RTL4: variants seen among roughly 807,000 people sequenced by gnomAD.
The protein encoded by RTL4 is retrotransposon Gag-like protein 4.
RTL4 carries 4 observed loss-of-function variants against 5.3 expected under a neutral mutation model. The observed-to-expected ratio is 0.75, with a 90% CI of 0.37 to 1.72. The LOEUF (loss-of-function observed/expected upper bound fraction) is 1.72. Ranked by LOEUF, RTL4 falls within the 40% of genes most tolerant of loss-of-function variation. The pLI is 0.04. For synonymous variants in RTL4, 98 were observed against 87.3 expected, an observed-to-expected ratio of 1.12 and a Z score of -0.68; for missense variants, 260 against 227.1, an observed-to-expected ratio of 1.14 and a Z score of -0.93.
At chrX:112,124,261 G>A in the RTL4 span, among the ~76,000 whole-genome samples, 1 of 111,917 alleles carries the variant, frequency 8.9e-6, no homozygotes, top group East Asian at 2.8e-4. Flanking sequence ...AGACAGTATG[G>A]CAATTCCTCA....
chrX:112,141,548 T>C, the RTL4 span, among the ~76,000 whole-genome samples: 1 of 111,926 alleles, frequency 8.9e-6, no homozygotes, highest in Non-Finnish European at 1.9e-5. Flanking sequence ...TGCCTTCAAA[T>C]ATCAACTCTG....
chrX:112,383,894 G>C, the RTL4 span, among the ~76,000 whole-genome samples: 1 of 111,435 alleles, frequency 9.0e-6, no homozygotes, highest in African/African-American at 3.3e-5. Context: ...TCACTACCTG[G>C]GTGATGAGAC....
chrX:112,421,737 T>C, the RTL4 span, among the ~76,000 whole-genome samples: 13 of 112,153 alleles, frequency 1.2e-4, no homozygotes, highest in African/African-American at 3.9e-4. Flanking sequence ...ACAGAGTTGA[T>C]GATGTTCTTC....
chrX:112,214,809 G>A, the RTL4 span, among the ~76,000 whole-genome samples: 2 of 109,726 alleles, frequency 1.8e-5, no homozygotes, highest in East Asian at 5.7e-4. Flanking sequence ...TTTTTTGTGA[G>A]ACGGAGTCTC....
At chrX:112,428,246 T>G in the RTL4 span, among the ~76,000 whole-genome samples, 1 of 112,150 alleles carries the variant, frequency 8.9e-6, no homozygotes, top group Non-Finnish European at 1.9e-5. Context: ...CACATTCATC[T>G]TTTTCATATA....
the RTL4 span, among the ~76,000 whole-genome samples, chrX:112,295,841 G>T: frequency 1.8e-5 from 2 of 112,378 alleles, no homozygotes; most frequent in Non-Finnish European, 3.8e-5. Flanking sequence ...TGTGCAGTTT[G>T]CACAGAGTGT....
At chrX:112,279,757 G>C in the RTL4 span, among the ~76,000 whole-genome samples, 1 of 111,525 alleles carries the variant, frequency 9.0e-6, no homozygotes, top group Non-Finnish European at 1.9e-5. Context: ...AGAAGATTCT[G>C]AGATAAACTT....
At chrX:112,310,369 CATATAT>C in the RTL4 span, among the ~76,000 whole-genome samples, 521 of 4,320 alleles carry the variant, frequency 0.12, 11 homozygotes, top group South Asian at 0.18. Flanking sequence ...CACCTTTATA[CATATAT>C]ATATATATAT....
the RTL4 span, among the ~76,000 whole-genome samples, chrX:112,336,208 A>T: frequency 2.7e-5 from 3 of 111,847 alleles, no homozygotes; most frequent in African/African-American, 9.8e-5. Context: ...TGAGAGATGT[A>T]AGTTCGTATA....
chrX:112,240,124 C>G, the RTL4 span, among the ~76,000 whole-genome samples: 1 of 111,055 alleles, frequency 9.0e-6, no homozygotes, highest in African/African-American at 3.3e-5. Context: ...TAAAGGAGAA[C>G]CAAAGGGATA....
the RTL4 span, among the ~76,000 whole-genome samples, chrX:112,326,339 G>A: frequency 2.7e-5 from 3 of 111,719 alleles, no homozygotes; most frequent in Non-Finnish European, 5.6e-5. Context: ...TGCCTCACTC[G>A]GGAAGCACAA....
the RTL4 span, among the ~76,000 whole-genome samples, chrX:112,316,816 T>C: frequency 8.9e-6 from 1 of 111,888 alleles, no homozygotes; most frequent in Non-Finnish European, 1.9e-5. Flanking sequence ...AATTTGTTCC[T>C]GCTGTTCTTT....
At chrX:112,271,369 G>A in the RTL4 span, among the ~76,000 whole-genome samples, 193 of 113,560 alleles carry the variant, frequency 1.7e-3, 1 homozygote, top group African/African-American at 5.9e-3. Flanking sequence ...CTGGCATGAA[G>A]GGGTATAGAC....
the RTL4 span, among the ~76,000 whole-genome samples, chrX:112,257,455 G>A: frequency 7.2e-5 from 8 of 110,634 alleles, no homozygotes; most frequent in East Asian, 2.8e-4. Flanking sequence ...TTAATTTAGC[G>A]TTGTTGTGTC....
At chrX:112,419,593 ATT>A in the RTL4 span, among the ~76,000 whole-genome samples, 100 of 49,593 alleles carry the variant, frequency 2.0e-3, 5 homozygotes, top group African/African-American at 5.3e-3. Context: ...ATATATATAT[ATT>A]TTTACATATG....
the RTL4 span, among the ~76,000 whole-genome samples, chrX:112,379,672 ACTT>A: frequency 1.1e-4 from 12 of 111,467 alleles, no homozygotes; most frequent in Non-Finnish European, 1.9e-4. Flanking sequence ...TTGATCAGAC[ACTT>A]CTTTTTATTT....
the RTL4 span, among the ~76,000 whole-genome samples, chrX:112,443,300 A>C: frequency 8.9e-6 from 1 of 112,198 alleles, no homozygotes; most frequent in Admixed American, 9.5e-5. Flanking sequence ...TCCATTGTGT[A>C]TAAGTACCAC....
the RTL4 span, among the ~76,000 whole-genome samples, chrX:112,198,260 C>T: frequency 1.1e-4 from 12 of 111,869 alleles, no homozygotes; most frequent in Non-Finnish European, 1.9e-4. Context: ...TATTATCTCT[C>T]TCTCTCCCCA....
At chrX:112,405,972 C>T in the RTL4 span, among the ~76,000 whole-genome samples, 26 of 110,688 alleles carry the variant, frequency 2.3e-4, no homozygotes, top group African/African-American at 5.3e-4. Context: ...CTCCTGTTAT[C>T]GCAGAATGAA....
Sources: gnomAD v4.1 joint callset for allele counts (sites outside exome capture counted in the v4.1 genomes callset) on GRCh38, gnomAD v4.1.1 for gene constraint, MANE v1.5 for transcripts, NCBI Gene and HGNC (gene_info 2026-07-23, HGNC 2026-07-21) for gene names.